MYOCD: variants seen among roughly 807,000 people sequenced by gnomAD.
MYOCD encodes myocardin.
MYOCD carries 32 observed loss-of-function variants against 96.1 expected under a neutral mutation model. The observed-to-expected ratio is 0.33, with a 90% CI of 0.25 to 0.45. The LOEUF is 0.45. Ranked by LOEUF, MYOCD falls within the 20% of genes least tolerant of loss-of-function variation. MYOCD has a pLI of 1.00. For missense variants in MYOCD, 1,133 were observed against 1,200.6 expected, an observed-to-expected ratio of 0.94 and a Z score of 0.83; for synonymous variants, 469 against 469.0, an observed-to-expected ratio of 1.00 and a Z score of 0.00.
chr17:12,762,878 C>G, intron 13 of MYOCD, 195 bp from the exon 14 acceptor site: 1 of 571,090 alleles, frequency 1.8e-6, no homozygotes, highest in African/African-American at 1.9e-5. Flanking sequence ...GTGGAATTCC[C>G]AAGAGGAAAG....
chr17:12,686,875 C>T (rs908896126), intron 1 of MYOCD, among the ~76,000 whole-genome samples: 4 of 152,202 alleles, frequency 2.6e-5, no homozygotes, highest in Non-Finnish European at 5.9e-5. Flanking sequence ...TGCTCTGGAG[C>T]CTTCAGTATC....
intron 5 of MYOCD, among the ~76,000 whole-genome samples, chr17:12,728,768 C>T (rs368870195): frequency 3.0e-4 from 46 of 152,286 alleles, no homozygotes; most frequent in South Asian, 8.3e-4. Flanking sequence ...CGTGAGCCAC[C>T]GTGCCCAGCC....
At chr17:12,682,151 G>T (rs1192047876) in intron 1 of MYOCD, among the ~76,000 whole-genome samples, 2 of 152,134 alleles carry the variant, frequency 1.3e-5, no homozygotes, top group South Asian at 2.1e-4. Context: ...CGGGAAATTC[G>T]ATGCTTCTGT....
intron 1 of MYOCD, among the ~76,000 whole-genome samples, chr17:12,669,967 A>G (rs1190247374): frequency 6.6e-6 from 1 of 152,112 alleles, no homozygotes; most frequent in Non-Finnish European, 1.5e-5. Context: ...TACTTTAGGC[A>G]TGAAAGCAGA....
chr17:12,744,517 G>A, intron 8 of MYOCD, 81 bp downstream of exon 8: 3 of 1,502,654 alleles, frequency 2.0e-6, no homozygotes, highest in Non-Finnish European at 2.7e-6. Flanking sequence ...CCAGCACCAT[G>A]GGGCCTAGCA....
chr17:12,696,957 G>A lies in MYOCD; in HGVS notation c.56-8171G>A, dbSNP rs373870425. 2.6e-4 allele frequency among the ~76,000 whole-genome samples: 40 copies of A among 152,214 alleles called. No homozygotes were observed. The South Asian group carries it at 7.7e-3, about 29-fold the overall frequency. ...TTTCAGAGGATGAAGAAATCATGAC[G>A]CTCTTGGATATTGTCAGCAATCTAT... On this transcript the variant is annotated intron_variant, in intron 1 of 13. Transcript: ENST00000425538.
intron 7 of MYOCD, among the ~76,000 whole-genome samples, chr17:12,739,925 A>G (rs919080529): frequency 6.6e-6 from 1 of 151,354 alleles, no homozygotes; most frequent in Non-Finnish European, 1.5e-5. Context: ...TTTAGTGGTG[A>G]TTTTTTTTCT....
chr17:12,751,104 A>G (rs1049964031), intron 9 of MYOCD, among the ~76,000 whole-genome samples: 1 of 152,042 alleles, frequency 6.6e-6, no homozygotes, highest in Admixed American at 6.6e-5. Flanking sequence ...ATATTTCCCT[A>G]TAGTCTTCTG....
chr17:12,684,739 G>C (rs1420521381), intron 1 of MYOCD, among the ~76,000 whole-genome samples: 2 of 150,144 alleles, frequency 1.3e-5, no homozygotes, highest in South Asian at 4.3e-4. Context: ...CCAGCTACTC[G>C]GGAGGCTGAG....
chr17:12,730,034 T>C (rs1471003242), intron 5 of MYOCD, among the ~76,000 whole-genome samples: 1 of 151,944 alleles, frequency 6.6e-6, no homozygotes, highest in Non-Finnish European at 1.5e-5. Flanking sequence ...GTAGTCCTAG[T>C]TACTCGGGAG....
In MYOCD at chr17:12,739,243, C is replaced by T. The variant is rs747298000; in HGVS notation, c.632C>T (p.Ala211Val). 1.9e-5 allele frequency: 30 copies of T among 1,610,344 alleles called. No homozygotes were observed. Among genetic ancestry groups the T allele is most frequent in the Middle Eastern group, 3.3e-4 (2 of 6,078 alleles). The change falls in exon 7 of 14, where the codon GCC (alanine) becomes GTC (valine). Residue 211 changes from alanine to valine, a missense_variant. Transcript: ENST00000425538. ...SGSENDRNDS[A>V]SQPSHQSDAG... ...TCAGAAAATGACAGAAATGACTCAG[C>T]CTCACAGCCCAGCCACCAGTCAGAT...
At chr17:12,736,082 T>C in intron 5 of MYOCD, 79 bp from the exon 6 acceptor site, 1 of 1,117,994 alleles carries the variant, frequency 8.9e-7, no homozygotes, top group African/African-American at 1.6e-5. Context: ...TTAATAGAAA[T>C]GACACATCGA....
At chr17:12,680,774 C>G (rs530712507) in intron 1 of MYOCD, among the ~76,000 whole-genome samples, 1 of 152,184 alleles carries the variant, frequency 6.6e-6, no homozygotes, top group Non-Finnish European at 1.5e-5. Flanking sequence ...TTCTGTACTT[C>G]AGGGACCTGT....
chr17:12,670,883 G>A (rs924232064), intron 1 of MYOCD, among the ~76,000 whole-genome samples: 8 of 152,090 alleles, frequency 5.3e-5, no homozygotes, highest in Non-Finnish European at 1.2e-4. Context: ...AAAGTTAAAG[G>A]AACATTTGGG....
Position 12,672,268 on chromosome 17 carries a change from A to G in MYOCD, c.55+6025A>G, listed in dbSNP as rs1042960791. On this transcript the variant is annotated intron_variant, in intron 1 of 13. Coordinates refer to ENST00000425538, the MANE Select transcript of MYOCD (RefSeq NM_001146312.3). ...CTGGATCTGGTGGCATGTGAGTTGC[A>G]TAAGAGTTCTTGCTTATGCGTGGAG... 5 of 152,232 alleles carry G rather than the reference A, an allele frequency of 3.3e-5. No homozygotes were observed. The East Asian group carries it at 7.7e-4, about 23-fold the overall frequency. 9.4% of individuals were successfully genotyped at this position (152,232 alleles called of 1,614,324 possible).
intron 3 of MYOCD, among the ~76,000 whole-genome samples, chr17:12,716,623 G>A (rs2031648815): frequency 6.6e-6 from 1 of 152,126 alleles, no homozygotes; most frequent in African/African-American, 2.4e-5. Context: ...ACGTTGTCAT[G>A]TTATATTAGA....
At chr17:12,688,757 C>G (rs535487597) in intron 1 of MYOCD, among the ~76,000 whole-genome samples, 2 of 150,906 alleles carry the variant, frequency 1.3e-5, no homozygotes, top group East Asian at 3.9e-4. Context: ...TTGCTTCCTT[C>G]CTTCCTTCTT....
intron 1 of MYOCD, among the ~76,000 whole-genome samples, chr17:12,687,109 TAGAGTTTTAACATTTTGTGAG>T (rs1400852177): frequency 6.6e-6 from 1 of 152,136 alleles, no homozygotes; most frequent in Non-Finnish European, 1.5e-5. Context: ...TTTTAAAACA[TAGAGTTTTAACATTTTGTGAG>T]AGGTTTCGCT....
chr17:12,737,270 A>G (rs368819002), intron 6 of MYOCD, among the ~76,000 whole-genome samples: 2 of 152,294 alleles, frequency 1.3e-5, no homozygotes, highest in African/African-American at 2.4e-5. Context: ...GGGGAAAAAA[A>G]AAGAATAATG....
Sources: gnomAD v4.1 joint callset for allele counts (sites outside exome capture counted in the v4.1 genomes callset) on GRCh38, gnomAD v4.1.1 for gene constraint, MANE v1.5 for transcripts, NCBI Gene and HGNC (gene_info 2026-07-23, HGNC 2026-07-21) for gene names.